AKNAD1: variants seen among roughly 807,000 people sequenced by gnomAD.
AKNAD1 encodes the protein AKNA domain containing 1.
AKNAD1 carries 67 observed loss-of-function variants against 90.8 expected under a neutral mutation model. The observed-to-expected ratio is 0.74, with a 90% confidence interval of 0.61 to 0.90. The LOEUF is 0.90. Ranked by LOEUF, AKNAD1 falls within the 40% of genes least tolerant of loss-of-function variation. The pLI is 0.00. For missense variants in AKNAD1, 957 were observed against 975.4 expected, an observed-to-expected ratio of 0.98 and a Z score of 0.25; for synonymous variants, 327 against 341.4, an observed-to-expected ratio of 0.96 and a Z score of 0.46.
chr1:108,830,765 G>A, intron 9 of AKNAD1, 115 bp from the exon 10 acceptor site: 1 of 942,096 alleles, frequency 1.1e-6, no homozygotes, highest in Non-Finnish European at 1.7e-6. Context: ...ACCTCAGGCA[G>A]AGAGACTCGC....
intron 4 of AKNAD1, 45 bp from the exon 5 acceptor site, chr1:108,848,859 C>T (rs762251480): frequency 1.9e-6 from 3 of 1,602,700 alleles, no homozygotes; most frequent in African/African-American, 1.3e-5. Context: ...CATGGTTTCT[C>T]ATGTGTGAAT....
At position 108,816,100 on chromosome 1, in the gene AKNAD1, A is replaced by G; in HGVS notation, c.*71T>C. On this transcript the variant is annotated 3_prime_UTR_variant, in exon 16 of 16. Coordinates refer to ENST00000370001, the MANE Select transcript of AKNAD1 (RefSeq NM_152763.5). The stretch of plus-strand genomic sequence containing the variant: ...CTTCCTAAATTGTGTAGTAAGTAAA[A>G]TACATTTTGGGGGAAGATCAAGTTT... 6.8e-7 allele frequency: 1 copy of G among 1,465,576 alleles called. No homozygotes were observed. The highest frequency in any genetic ancestry group is 9.0e-7 in the Non-Finnish European group (1 of 1,106,494). The allele number at this position is 1,465,576 out of a possible 1,614,324, so 90.8% of individuals were successfully genotyped here. A position where few individuals can be genotyped will look rare whatever the true frequency, so the allele number is the denominator to read the frequency against.
intron 5 of AKNAD1, among the ~76,000 whole-genome samples, chr1:108,845,654 G>A (rs949418577): frequency 6.6e-5 from 10 of 152,232 alleles, no homozygotes; most frequent in Admixed American, 1.3e-4. Flanking sequence ...GACTGACACT[G>A]TAAATCTCAC....
intron 14 of AKNAD1, among the ~76,000 whole-genome samples, chr1:108,819,244 C>T (rs1663731845): frequency 1.3e-5 from 2 of 152,182 alleles, no homozygotes; most frequent in African/African-American, 4.8e-5. Context: ...ATCTTAACTC[C>T]TCTAATTCGT....
intron 2 of AKNAD1, among the ~76,000 whole-genome samples, chr1:108,850,605 G>A (rs1664824944): frequency 6.6e-6 from 1 of 151,348 alleles, no homozygotes; most frequent in Non-Finnish European, 1.5e-5. Context: ...AAAGAGAGGG[G>A]AGCTGAAGTG....
At chr1:108,852,898 AAG>A in intron 1 of AKNAD1, 131 bp from the exon 2 acceptor site, 1 of 389,098 alleles carries the variant, frequency 2.6e-6, no homozygotes, top group Non-Finnish European at 4.5e-6. Flanking sequence ...GCTCAACCAC[AAG>A]CTGACCCAAC....
intron 15 of AKNAD1, among the ~76,000 whole-genome samples, 196 bp from the exon 16 acceptor site, chr1:108,816,498 T>C (rs938554557): frequency 3.9e-5 from 6 of 151,914 alleles, no homozygotes; most frequent in Non-Finnish European, 8.8e-5. Context: ...GGGAAAGGGA[T>C]TGAAAAAAAG....
intron 10 of AKNAD1, among the ~76,000 whole-genome samples, chr1:108,827,543 G>A (rs369571718): frequency 2.0e-5 from 3 of 151,658 alleles, no homozygotes; most frequent in South Asian, 4.2e-4. Context: ...GGCCAGGCGC[G>A]GTGGCTCACG....
At chr1:108,834,392 G>T in intron 9 of AKNAD1, 55 bp downstream of exon 9, 2 of 1,444,378 alleles carry the variant, frequency 1.4e-6, no homozygotes, top group Non-Finnish European at 9.5e-7. Flanking sequence ...ACTGGTTTTA[G>T]TTAAAGAGCC....
rs757685174 is a variant in AKNAD1, at chr1:108,849,612, A to G, written c.994-36T>C. 3.5e-6 allele frequency: 5 copies of G among 1,439,980 alleles called. No homozygotes were observed. In the Admixed American group the frequency reaches 5.1e-5, roughly 15 times the overall value. The allele number at this position is 1,439,980 out of a possible 1,614,324, so 89.2% of individuals were successfully genotyped here. On this transcript the variant is annotated intron_variant, in intron 2 of 15. Coordinates refer to ENST00000370001, the MANE Select transcript of AKNAD1 (RefSeq NM_152763.5). ...AAAGGGTAAGAAAACGTTACTGTCG[A>G]TATTGATCAATGACACCACCGTTCA...
rs1269079008 is a variant in AKNAD1, at chr1:108,835,052, G to A, written c.1541C>T (p.Pro514Leu). ...STFSSLSNEI[P>L]KEHPGHPSGP... ...AGAAGGGTGGCCGGGGTGCTCCTTG[G>A]GAATCTGGGGGAGCCACACAGAAAG... The change falls in exon 8 of 16, where the codon CCC becomes CTC. Residue 514 changes from proline (P) to leucine (L), a missense_variant. Pro to Leu is a moderately conservative substitution (Grantham distance 98, BLOSUM62 -3). Transcript: ENST00000370001. The A allele has an allele frequency of 2.5e-6, 4 of 1,573,044 alleles. No homozygotes were observed. The African/African-American group carries it at 5.6e-5, about 22-fold the overall frequency.
chr1:108,830,912 C>T (rs12120812), intron 9 of AKNAD1, among the ~76,000 whole-genome samples: 2,910 of 152,332 alleles, frequency 0.019, 38 homozygotes, highest in Non-Finnish European at 0.032. Flanking sequence ...TGGAAGTTTC[C>T]ACCCTGGCTT....
chr1:108,833,850 G>A (rs951753854), intron 9 of AKNAD1, among the ~76,000 whole-genome samples: 4 of 151,674 alleles, frequency 2.6e-5, no homozygotes, highest in African/African-American at 7.3e-5. Flanking sequence ...TTGGAGACCC[G>A]GGCATCACCT....
chr1:108,847,904 T>C lies in AKNAD1; in HGVS notation c.1245+848A>G, dbSNP rs115138474. On this transcript the variant is annotated intron_variant, in intron 5 of 15. Coordinates refer to ENST00000370001, the MANE Select transcript of AKNAD1 (RefSeq NM_152763.5). ...TAAACCACTTGGAAAAGGAATTGTT[T>C]ATTCATCTTGAATTCCTAGTGCCTG... is the stretch of plus-strand genomic sequence containing the variant. 5.7e-3 allele frequency among the ~76,000 whole-genome samples: 870 copies of C among 152,370 alleles called. 10 individuals carry two copies. The highest frequency in any genetic ancestry group is 0.02 in the African/African-American group (835 of 41,580).
chr1:108,852,440 T>G lies in AKNAD1; in HGVS notation c.225A>C (p.Lys75Asn), dbSNP rs933712579. The G allele has an allele frequency of 2.2e-5, 35 of 1,613,648 alleles. No homozygotes were observed. Among genetic ancestry groups the G allele is most frequent in the Non-Finnish European group, 2.7e-5 (32 of 1,179,906 alleles). The change falls in exon 2 of 16, where the codon AAA (lysine) becomes AAC (asparagine). Residue 75 changes from lysine (K) to asparagine (N), a missense_variant. Coordinates refer to ENST00000370001, the MANE Select transcript of AKNAD1 (RefSeq NM_152763.5). ...GNTAVTIPLG[K>N]ITENAANKKD... is the part of the protein sequence containing the mutation. ...TTTTGTTGGCAGCATTTTCAGTAAT[T>G]TTACCCAGGGGTATGGTCACAGCTG...
intron 1 of AKNAD1, among the ~76,000 whole-genome samples, 184 bp downstream of exon 1, chr1:108,856,745 A>ACACACACACACACACAC (rs1400694001): frequency 6.6e-5 from 10 of 151,192 alleles, no homozygotes; most frequent in African/African-American, 7.3e-5. Context: ...CACACACACA[A>ACACACACACACACACAC]ACACACACAC....
chr1:108,822,073 C>A (rs1663830522), intron 13 of AKNAD1, among the ~76,000 whole-genome samples: 1 of 152,064 alleles, frequency 6.6e-6, no homozygotes, highest in South Asian at 2.1e-4. Flanking sequence ...CACTAATGAG[C>A]TCAATCTTGA....
intron 10 of AKNAD1, among the ~76,000 whole-genome samples, chr1:108,828,456 A>G (rs1664082794): frequency 6.6e-6 from 1 of 151,776 alleles, no homozygotes; most frequent in South Asian, 2.1e-4. Context: ...CCTGGGATAC[A>G]GTCATAGCCC....
chr1:108,834,289 A>G (rs1363586965), intron 9 of AKNAD1, among the ~76,000 whole-genome samples, 158 bp downstream of exon 9: 1 of 152,244 alleles, frequency 6.6e-6, no homozygotes, highest in Non-Finnish European at 1.5e-5. Flanking sequence ...AACCGTCAGC[A>G]GTACCAGCCA....
Sources: allele counts gnomAD v4.1 joint callset (sites outside exome capture counted in the v4.1 genomes callset), GRCh38; gene constraint gnomAD v4.1.1; transcripts MANE v1.5; gene names NCBI Gene and HGNC (gene_info 2026-07-23, HGNC 2026-07-21).